The following GPC5 variants were observed in gnomAD, a reference collection of about 807,000 sequenced individuals.
GPC5 encodes the protein glypican 5.
Under a neutral mutation model 53.9 loss-of-function variants are expected in GPC5, and 47 were observed. The ratio of observed to expected loss-of-function variants is 0.87; its 90% confidence interval spans 0.69 to 1.11. The LOEUF is 1.11. Ranked by LOEUF, GPC5 falls within the 50% of genes most tolerant of loss-of-function variation. The pLI, the probability that GPC5 is intolerant of heterozygous loss-of-function variation, is 0.00. For synonymous variants in GPC5, 286 were observed against 263.3 expected (o/e 1.09, Z -0.84); for missense variants, 748 against 713.1 (o/e 1.05, Z -0.56).
intron 7 of GPC5, among the ~76,000 whole-genome samples, chr13:92,344,271 A>T (rs1479844560): frequency 6.6e-6 from 1 of 152,084 alleles, no homozygotes; most frequent in Non-Finnish European, 1.5e-5. Context: ...TTATAAAACC[A>T]TCAGCTCTCC....
At chr13:91,818,336 G>A (rs1288544444) in intron 5 of GPC5, among the ~76,000 whole-genome samples, 1 of 152,044 alleles carries the variant, frequency 6.6e-6, no homozygotes, top group Non-Finnish European at 1.5e-5. Context: ...TATTTCATCA[G>A]CATTCACTGA....
chr13:92,004,012 C>A (rs907525869), intron 6 of GPC5, among the ~76,000 whole-genome samples: 1 of 152,108 alleles, frequency 6.6e-6, no homozygotes, highest in Non-Finnish European at 1.5e-5. Flanking sequence ...CCATGAACAT[C>A]ACTAGAATTT....
chr13:91,879,840 T>C (rs1158326898), intron 5 of GPC5, among the ~76,000 whole-genome samples: 5 of 152,216 alleles, frequency 3.3e-5, no homozygotes, highest in African/African-American at 9.6e-5. Context: ...TGCCAAATCA[T>C]TGGGGTGGCT....
intron 2 of GPC5, among the ~76,000 whole-genome samples, chr13:91,517,567 T>G (rs952713248): frequency 6.6e-6 from 1 of 152,228 alleles, no homozygotes; most frequent in Non-Finnish European, 1.5e-5. Context: ...TTTTCTTTTC[T>G]TCTGAGCCCT....
In GPC5 at chr13:92,446,032, T is replaced by A. The variant is rs142744679; in HGVS notation, c.1561+301043T>A. 5.8e-3 allele frequency among the ~76,000 whole-genome samples: 877 copies of A among 152,276 alleles called. 25 individuals are homozygous for A. Among genetic ancestry groups the A allele is most frequent in the Admixed American group, 0.051 (781 of 15,276 alleles). ...TATTTTGATACAGGCATGTAATGTG[T>A]AATAATTACATCAATGTAACTGGAC... is the stretch of plus-strand genomic sequence containing the variant. On this transcript the variant is annotated intron_variant, in intron 7 of 7. Transcript: ENST00000377067.
intron 2 of GPC5, among the ~76,000 whole-genome samples, chr13:91,504,431 A>C (rs1239850830): frequency 2.6e-5 from 4 of 152,248 alleles, no homozygotes; most frequent in Admixed American, 2.0e-4. Context: ...TTGAAGTTAT[A>C]GTTATTAGAC....
intron 5 of GPC5, among the ~76,000 whole-genome samples, chr13:91,801,299 T>C (rs1400525893): frequency 7.2e-5 from 8 of 111,428 alleles, no homozygotes; most frequent in Admixed American, 9.3e-5. Flanking sequence ...GTGTGTTTTC[T>C]TCAGAAATCA....
intron 7 of GPC5, among the ~76,000 whole-genome samples, chr13:92,648,731 T>C (rs1253579348): frequency 6.6e-6 from 1 of 152,150 alleles, no homozygotes; most frequent in Non-Finnish European, 1.5e-5. Flanking sequence ...ATTCTATACA[T>C]AGATTAAAAC....
At chr13:91,658,256 A>G (rs1216183185) in intron 2 of GPC5, among the ~76,000 whole-genome samples, 2 of 152,162 alleles carry the variant, frequency 1.3e-5, no homozygotes, top group Non-Finnish European at 2.9e-5. Flanking sequence ...GAACAAGTCT[A>G]TAGTTTATGT....
At chr13:91,486,475 AAAT>A (rs1883614751) in intron 2 of GPC5, 1 of 152,198 alleles carries the variant, frequency 6.6e-6, no homozygotes, top group African/African-American at 2.4e-5. Context: ...TGGAGACCCT[AAAT>A]AATAACACAT....
intron 7 of GPC5, among the ~76,000 whole-genome samples, chr13:92,382,999 T>C (rs2043762630): frequency 1.3e-5 from 1 of 78,368 alleles, no homozygotes; most frequent in Admixed American, 1.8e-4. Context: ...CAAGACTCCG[T>C]CTCAAAAAAA....
At chr13:92,778,728 T>G (rs1239276884) in intron 7 of GPC5, among the ~76,000 whole-genome samples, 1 of 152,190 alleles carries the variant, frequency 6.6e-6, no homozygotes, top group Non-Finnish European at 1.5e-5. Flanking sequence ...TAAGACAGCT[T>G]AAATATATTA....
At chr13:91,534,169 TAGA>T (rs923230191) in intron 2 of GPC5, among the ~76,000 whole-genome samples, 1 of 151,148 alleles carries the variant, frequency 6.6e-6, no homozygotes, top group Non-Finnish European at 1.5e-5. Context: ...AAATTAACTT[TAGA>T]AGAACAGAAA....
chr13:92,052,131 T>C (rs1265583263), intron 6 of GPC5, among the ~76,000 whole-genome samples: 1 of 152,178 alleles, frequency 6.6e-6, no homozygotes, highest in Non-Finnish European at 1.5e-5. Flanking sequence ...AAAATTGGCC[T>C]GCACTCCTGA....
chr13:92,207,355 A>G (rs1290987689), intron 7 of GPC5, among the ~76,000 whole-genome samples: 1 of 152,204 alleles, frequency 6.6e-6, no homozygotes, highest in Non-Finnish European at 1.5e-5. Flanking sequence ...TTAAAGGTAT[A>G]ATTTCTTGCT....
At chr13:92,760,014 T>C (rs375484364) in intron 7 of GPC5, among the ~76,000 whole-genome samples, 7 of 152,094 alleles carry the variant, frequency 4.6e-5, no homozygotes, top group African/African-American at 1.7e-4. Flanking sequence ...ATGTATAACA[T>C]TGACTGATTT....
chr13:91,971,100 CT>C (rs1236481859), intron 6 of GPC5, among the ~76,000 whole-genome samples: 6 of 152,224 alleles, frequency 3.9e-5, no homozygotes, highest in African/African-American at 1.2e-4. Flanking sequence ...TGGTCCTGGA[CT>C]TTTTTTGGTT....
chr13:92,651,601 C>A (rs1885960822), intron 7 of GPC5, among the ~76,000 whole-genome samples: 1 of 152,002 alleles, frequency 6.6e-6, no homozygotes. Context: ...GATCCTGGAA[C>A]AGAAAGAGGA....
intron 2 of GPC5, among the ~76,000 whole-genome samples, chr13:91,646,860 G>A (rs1160928734): frequency 6.6e-6 from 1 of 152,162 alleles, no homozygotes; most frequent in Non-Finnish European, 1.5e-5. Flanking sequence ...CAGAGCATGG[G>A]TGGATGTATG....
Sources: allele counts gnomAD v4.1 joint callset (sites outside exome capture counted in the v4.1 genomes callset), GRCh38; gene constraint gnomAD v4.1.1; transcripts MANE v1.5; gene names NCBI Gene and HGNC (gene_info 2026-07-23, HGNC 2026-07-21).